TTC32: variants seen among roughly 807,000 people sequenced by gnomAD.
The protein encoded by TTC32 is tetratricopeptide repeat protein 32.
In TTC32, 16 loss-of-function variants were observed where a neutral mutation model predicts 15.3. The ratio of observed to expected loss-of-function variants is 1.05; its 90% CI spans 0.71 to 1.59. The LOEUF (loss-of-function observed/expected upper bound fraction) is 1.59. TTC32 is among the 40% of genes most tolerant of loss of function. The pLI, the probability that TTC32 is intolerant of heterozygous loss-of-function variation, is 0.00. For synonymous variants in TTC32, 89 were observed against 67.8 expected (o/e 1.31, Z -1.53); for missense variants, 188 against 181.9 (o/e 1.03, Z -0.19).
intron 1 of TTC32, among the ~76,000 whole-genome samples, chr2:19,900,163 A>G (rs1196037175): frequency 1.3e-5 from 2 of 152,242 alleles, no homozygotes; most frequent in Non-Finnish European, 2.9e-5. Context: ...CAAAGAAGGA[A>G]GAATAACAAG....
intron 1 of TTC32, 173 bp downstream of exon 1, chr2:19,901,533 G>A (rs1167222233): frequency 9.5e-6 from 8 of 837,936 alleles, no homozygotes; most frequent in South Asian, 4.2e-5. Flanking sequence ...CGCCGCCCTC[G>A]TCCTAGGCCT....
intron 1 of TTC32, among the ~76,000 whole-genome samples, chr2:19,900,329 C>T (rs746910951): frequency 6.6e-6 from 1 of 152,152 alleles, no homozygotes; most frequent in Non-Finnish European, 1.5e-5. Flanking sequence ...ATGGTATCAT[C>T]TTATTGCCTG....
At position 19,897,089 on chromosome 2, in the gene TTC32, G is replaced by T; in HGVS notation, c.354C>A (p.Val118=). 1 of 1,606,010 alleles carries T rather than the reference G, an allele frequency of 6.2e-7. No individual in the cohort carries two copies. Among genetic ancestry groups the T allele is most frequent in the Non-Finnish European group, 8.5e-7 (1 of 1,177,070 alleles). Residue 118 remains valine, a synonymous_variant, in exon 3 of 3, where the codon GTC becomes GTA. Transcript: ENST00000333610. ...CTTGAAATCCAGGATTTAAGTCTAA[G>T]ACCTTCTTGAAATCTTCCAAAGCAT... ...FDDALEDFKK[V]LDLNPGFQDA... is the part of the protein sequence containing the mutation.
chr2:19,898,899 G>A (rs1669554792), intron 1 of TTC32, among the ~76,000 whole-genome samples: 1 of 152,222 alleles, frequency 6.6e-6, no homozygotes, highest in South Asian at 2.1e-4. Flanking sequence ...AGTCAGGGAT[G>A]ATTCTGTTTC....
chr2:19,897,444 C>T (rs778032385), intron 2 of TTC32, among the ~76,000 whole-genome samples: 37 of 152,024 alleles, frequency 2.4e-4, no homozygotes, highest in Non-Finnish European at 3.5e-4. Context: ...AATTAAGAAA[C>T]GGGAACTAAT....
At chr2:19,901,682 G>T (rs765161341) in intron 1 of TTC32, 24 bp downstream of exon 1, 1 of 1,601,510 alleles carries the variant, frequency 6.2e-7, no homozygotes. Context: ...GGGTCGCCGC[G>T]GCCCCAGGTC....
intron 1 of TTC32, among the ~76,000 whole-genome samples, chr2:19,899,674 T>C (rs1019874442): frequency 7.3e-6 from 1 of 137,490 alleles, no homozygotes; most frequent in African/African-American, 2.7e-5. Context: ...CAAAAAAAAA[T>C]ATTTTTTATA....
At chr2:19,898,946 C>G (rs1024584384) in intron 1 of TTC32, among the ~76,000 whole-genome samples, 1 of 152,188 alleles carries the variant, frequency 6.6e-6, no homozygotes, top group African/African-American at 2.4e-5. Flanking sequence ...CAAATTAGAA[C>G]CAAACAGAGA....
intron 1 of TTC32, 188 bp from the exon 2 acceptor site, chr2:19,898,223 A>G: frequency 2.0e-6 from 1 of 511,982 alleles, no homozygotes; most frequent in Non-Finnish European, 3.4e-6. Context: ...CCTGTTATCT[A>G]CTTTTGTAGG....
intron 1 of TTC32, 68 bp downstream of exon 1, chr2:19,901,638 G>A (rs540643676): frequency 9.0e-6 from 14 of 1,558,448 alleles, no homozygotes; most frequent in Admixed American, 3.6e-5. Flanking sequence ...GGCAAAGATA[G>A]GAGCCCAAAC....
chr2:19,897,012 C>T lies in TTC32; in HGVS notation c.431G>A (p.Arg144Lys), dbSNP rs1669520592. 1 of 1,583,404 alleles carries T rather than the reference C, an allele frequency of 6.3e-7. No individual in the cohort carries two copies. The highest frequency in any genetic ancestry group is 8.6e-7 in the Non-Finnish European group (1 of 1,167,340). ...TCAATAATTTTTTGCAACATTTCTT[C>T]TTTGTTTTTCTTCTTTGTCTAGAAT... ...QTILDKEEKQ[R>K]RNVAKNY Residue 144 changes from arginine (R) to lysine (K), a missense_variant, in exon 3 of 3, where the codon AGA (arginine) becomes AAA (lysine). Coordinates refer to ENST00000333610, the MANE Select transcript of TTC32 (RefSeq NM_001008237.3).
intron 1 of TTC32, chr2:19,901,110 T>A (rs972539758): frequency 8.5e-6 from 4 of 470,974 alleles, no homozygotes; most frequent in Middle Eastern, 3.2e-4. Flanking sequence ...TGGTTCCTTC[T>A]GAAACATCCA....
At chr2:19,898,813 C>G (rs900597646) in intron 1 of TTC32, among the ~76,000 whole-genome samples, 2 of 152,138 alleles carry the variant, frequency 1.3e-5, no homozygotes, top group African/African-American at 2.4e-5. Flanking sequence ...CAACAGGTCA[C>G]AGCCCCTGGC....
In TTC32 at chr2:19,897,894, G is replaced by C. The variant is rs763714693; in HGVS notation, c.291C>G (p.Asn97Lys). 6.2e-7 allele frequency: 1 copy of C among 1,611,092 alleles called. No individual in the cohort carries two copies. Among genetic ancestry groups the C allele is most frequent in the Non-Finnish European group, 8.5e-7 (1 of 1,177,930 alleles). The change falls in exon 2 of 3, where the codon AAC (asparagine) becomes AAG (lysine). Residue 97 changes from asparagine to lysine, a missense_variant. Transcript: ENST00000333610. ...VQPNFEVPYY[N>K]RGLILYRLGY... The stretch of plus-strand genomic sequence containing the variant: ...CCAGCCTATACAGTATCAACCCTCT[G>C]TTGTAATATGGAACTTCAAAATTGG...
chr2:19,899,909 T>C (rs147036534), intron 1 of TTC32, among the ~76,000 whole-genome samples: 58 of 152,218 alleles, frequency 3.8e-4, no homozygotes, highest in African/African-American at 8.2e-4. Context: ...AAAAGATAAA[T>C]TGAAGGGAAA....
rs1245791618 is a variant in TTC32 at position 19,901,756 on chromosome 2, A to G, written c.99T>C (p.Ala33=). 6.2e-7 allele frequency: 1 copy of G among 1,613,732 alleles called. No individual in the cohort carries two copies. The highest frequency in any genetic ancestry group is 8.5e-7 in the Non-Finnish European group (1 of 1,179,748). ...EYAEAEALYS[A]YIRRCACAAS... ...CCGCGCAAGCGCACCGGCGAATGTA[A>G]GCGGAGTACAGTGCCTCGGCCTCCG... The change falls in exon 1 of 3, where the codon GCT becomes GCC. Residue 33 remains alanine (A), a synonymous_variant. Coordinates refer to ENST00000333610, the MANE Select transcript of TTC32 (RefSeq NM_001008237.3).
At position 19,900,373 on chromosome 2, in the gene TTC32, T is replaced by C. The variant is rs370626298; in HGVS notation, c.149+1333A>G. Reference sequence around the variant, plus strand: ...CTTCTATTATTATTCTTGTGTGTTATTGAAATGAGAAGGCAATTTTCTTTC... The same window carrying C: ...CTTCTATTATTATTCTTGTGTGTTACTGAAATGAGAAGGCAATTTTCTTTC... On this transcript the variant is annotated intron_variant, in intron 1 of 2. Coordinates refer to ENST00000333610, the MANE Select transcript of TTC32 (RefSeq NM_001008237.3). Among the ~76,000 whole-genome samples, 28 of 152,328 alleles carry C rather than the reference T, an allele frequency of 1.8e-4. No homozygotes were observed. In the South Asian group the frequency reaches 5.4e-3, roughly 29 times the overall value.
In TTC32 at chr2:19,901,865, G is replaced by T; in HGVS notation, c.-11C>A. On this transcript the variant is annotated 5_prime_UTR_variant, in exon 1 of 3. Coordinates refer to ENST00000333610, the MANE Select transcript of TTC32 (RefSeq NM_001008237.3). ...CCGCTGTCCTTCCATAGCAGCCAAG[G>T]CCTAGTTTTCGGTGTAGAATGGGGG... The T allele has an allele frequency of 1.2e-6, 2 of 1,613,962 alleles. No homozygotes were observed. The highest frequency in any genetic ancestry group is 1.7e-6 in the Non-Finnish European group (2 of 1,179,920).
intron 1 of TTC32, among the ~76,000 whole-genome samples, chr2:19,899,209 A>T (rs1285910629): frequency 2.0e-5 from 3 of 152,128 alleles, no homozygotes; most frequent in African/African-American, 7.2e-5. Context: ...GCTGTGATGG[A>T]GACTGGATGT....
Sources: gnomAD v4.1 joint callset for allele counts (sites outside exome capture counted in the v4.1 genomes callset) on GRCh38, gnomAD v4.1.1 for gene constraint, MANE v1.5 for transcripts, NCBI Gene and HGNC (gene_info 2026-07-23, HGNC 2026-07-21) for gene names.